Variants in CT45A1 observed in about 807,000 individuals in gnomAD.
CT45A1 encodes cancer/testis antigen family 45 member A1.
intron 1 of CT45A1, among the ~76,000 whole-genome samples, chrX:135,714,396 A>G (rs1226849522): frequency 2.8e-5 from 3 of 108,972 alleles, no homozygotes; most frequent in Non-Finnish European, 3.8e-5. Flanking sequence ...CTCTAAGCCT[A>G]TGGTGGGACT....
chrX:135,709,408 G>T (rs1177751861), upstream of CT45A1, among the ~76,000 whole-genome samples: 1 of 112,040 alleles, frequency 8.9e-6, no homozygotes, highest in Non-Finnish European at 1.9e-5. Context: ...GATTACAAGC[G>T]TGAGCCACCG....
upstream of CT45A1, among the ~76,000 whole-genome samples, chrX:135,712,929 T>TTC (rs1556570036): frequency 3.2e-5 from 2 of 62,943 alleles, no homozygotes; most frequent in South Asian, 8.5e-4. Flanking sequence ...TTTTCTTTTC[T>TTC]TTTCTTTTTT....
intron 1 of CT45A1, 104 bp downstream of exon 1, chrX:135,713,794 CTCTG>C (rs1309349203): frequency 5.3e-6 from 3 of 568,461 alleles, no homozygotes; most frequent in Non-Finnish European, 6.4e-6. Flanking sequence ...CTGTGGTGTT[CTCTG>C]TCTGGTGTGT....
At position 135,722,831 on chromosome X, in the gene CT45A1, A is replaced by AT. The variant is rs1471083630; in HGVS notation, c.513-144dup. Reference sequence around the variant, plus strand: ...CTCCACACCCTTGCCAGCATTTGTTATGCCGGCTAGACTGCCTCTTACCAT... The same window carrying AT: ...CTCCACACCCTTGCCAGCATTTGTTATTGCCGGCTAGACTGCCTCTTACCAT... On this transcript the variant is annotated intron_variant, in intron 4 of 4. Transcript: ENST00000594565. 9.9e-6 allele frequency: 3 copies of AT among 302,366 alleles called. No individual in the cohort carries two copies. In the African/African-American group the frequency reaches 1.8e-4, roughly 18 times the overall value. 24.9% of individuals were successfully genotyped at this position (302,366 alleles called of 1,213,427 possible).
upstream of CT45A1, among the ~76,000 whole-genome samples, chrX:135,709,337 A>T (rs1279434885): frequency 1.8e-5 from 2 of 112,682 alleles, no homozygotes; most frequent in African/African-American, 6.5e-5. Flanking sequence ...CATGTTGGCC[A>T]GGCTAGTCTC....
At chrX:135,712,914 C>CTTTCT (rs1159890739), upstream of CT45A1, among the ~76,000 whole-genome samples, 2 of 102,259 alleles carry the variant, frequency 2.0e-5, no homozygotes, top group South Asian at 4.9e-4. Flanking sequence ...TTCTTTCTTT[C>CTTTCT]TTTCTTTTCT....
chrX:135,713,882 C>G (rs782597345), intron 1 of CT45A1, among the ~76,000 whole-genome samples, 192 bp downstream of exon 1: 3 of 108,095 alleles, frequency 2.8e-5, no homozygotes, highest in Admixed American at 2.0e-4. Context: ...CGCGGGGGAG[C>G]GTTTTCCTTG....
intron 1 of CT45A1, among the ~76,000 whole-genome samples, chrX:135,717,404 C>G (rs1228185839): frequency 9.0e-6 from 1 of 110,879 alleles, no homozygotes; most frequent in Non-Finnish European, 1.9e-5. Flanking sequence ...CAAAAATTAG[C>G]CAGGCGTTGT....
chrX:135,712,937 T>TTTCTTTCTTTCTTTC (rs1556570064), upstream of CT45A1, among the ~76,000 whole-genome samples: 2 of 69,548 alleles, frequency 2.9e-5, no homozygotes, highest in African/African-American at 6.2e-5. Context: ...TCTTTTCTTT[T>TTTCTTTCTTTCTTTC]TTTCTTTCTT....
At chrX:135,715,987 A>G (rs1167176005) in intron 1 of CT45A1, among the ~76,000 whole-genome samples, 2 of 109,671 alleles carry the variant, frequency 1.8e-5, no homozygotes, top group African/African-American at 3.3e-5. Context: ...TTGCTGACAC[A>G]TGTCCCTTCA....
chrX:135,718,635 C>A (rs1307441302), intron 1 of CT45A1, among the ~76,000 whole-genome samples: 1 of 109,449 alleles, frequency 9.1e-6, no homozygotes, highest in Non-Finnish European at 1.9e-5. Flanking sequence ...TTGGCTTATA[C>A]ATCTTCAAAT....
chrX:135,715,363 T>TTATATATATAATACTTATATATTA (rs2087974328), intron 1 of CT45A1, among the ~76,000 whole-genome samples: 1 of 30,297 alleles, frequency 3.3e-5, no homozygotes, highest in African/African-American at 1.3e-4. Context: ...CATATAATAC[T>TTATATATATAATACTTATATATTA]TATATATATA....
At chrX:135,715,199 ATTATATATATATAATAC>A (rs1331020333) in intron 1 of CT45A1, among the ~76,000 whole-genome samples, 21 of 82,094 alleles carry the variant, frequency 2.6e-4, no homozygotes, top group East Asian at 2.0e-3. Flanking sequence ...TGCCATTACT[ATTATATATATATAATAC>A]TTATATATAT....
At chrX:135,711,412 A>G (rs1249831267), upstream of CT45A1, among the ~76,000 whole-genome samples, 1 of 111,226 alleles carries the variant, frequency 9.0e-6, no homozygotes, top group African/African-American at 3.3e-5. Context: ...AGGGTACTTA[A>G]CAAACATAAT....
At chrX:135,715,086 A>T (rs1327098100) in intron 1 of CT45A1, among the ~76,000 whole-genome samples, 1 of 104,466 alleles carries the variant, frequency 9.6e-6, no homozygotes, top group Non-Finnish European at 1.9e-5. Context: ...ACACGATCTC[A>T]ATAATGTATT....
At chrX:135,717,272 G>C (rs1406145593) in intron 1 of CT45A1, among the ~76,000 whole-genome samples, 3 of 111,988 alleles carry the variant, frequency 2.7e-5, no homozygotes, top group Non-Finnish European at 5.6e-5. Context: ...CTTCCAGCCA[G>C]GCATGGTGGC....
At chrX:135,713,015 T>C (rs1171788794), upstream of CT45A1, among the ~76,000 whole-genome samples, 1,051 of 24,170 alleles carry the variant, frequency 0.043, 33 homozygotes, top group African/African-American at 0.091. Flanking sequence ...CTCTCTCTCT[T>C]TCTTTCTTTC....
upstream of CT45A1, among the ~76,000 whole-genome samples, chrX:135,711,135 G>C (rs2087931317): frequency 9.0e-6 from 1 of 111,671 alleles, no homozygotes; most frequent in Non-Finnish European, 1.9e-5. Context: ...CAAGATTCCA[G>C]TCTCATGGTT....
chrX:135,708,553 G>A, the CT45A1 span, among the ~76,000 whole-genome samples: 2 of 110,831 alleles, frequency 1.8e-5, no homozygotes, highest in South Asian at 3.9e-4. Context: ...GTCAGCCGTC[G>A]GAGACCGTTT....
Sources: gnomAD v4.1 joint callset for allele counts (sites outside exome capture counted in the v4.1 genomes callset) on GRCh38, gnomAD v4.1.1 for gene constraint, MANE v1.5 for transcripts, NCBI Gene and HGNC (gene_info 2026-07-23, HGNC 2026-07-21) for gene names.